Variants in UBE2H observed in about 807,000 individuals in gnomAD.
The protein encoded by UBE2H is ubiquitin-conjugating enzyme E2 H.
Under a neutral mutation model 29.0 loss-of-function variants are expected in UBE2H, and 3 were observed. The observed-to-expected ratio is 0.10, with a 90% CI of 0.05 to 0.27. The LOEUF (loss-of-function observed/expected upper bound fraction) is 0.27. Ranked by LOEUF, UBE2H falls within the 10% of genes least tolerant of loss-of-function variation. The pLI is 1.00. For missense variants in UBE2H, 68 were observed against 228.2 expected, an observed-to-expected ratio of 0.30 and a Z score of 4.52; for synonymous variants, 69 against 82.9, an observed-to-expected ratio of 0.83 and a Z score of 0.91.
chr7:129,941,710 T>C (rs561013485), intron 1 of UBE2H, among the ~76,000 whole-genome samples: 4 of 148,840 alleles, frequency 2.7e-5, no homozygotes, highest in Non-Finnish European at 5.9e-5. Flanking sequence ...GTGGTGAGAT[T>C]ACAAGCATGA....
intron 1 of UBE2H, among the ~76,000 whole-genome samples, chr7:129,945,459 C>A (rs956067431): frequency 1.3e-5 from 2 of 152,174 alleles, no homozygotes; most frequent in African/African-American, 4.8e-5. Context: ...AATTAGAATT[C>A]ATCTTTAATC....
chr7:129,945,919 A>G (rs1255661428), intron 1 of UBE2H, among the ~76,000 whole-genome samples: 1 of 146,010 alleles, frequency 6.8e-6, no homozygotes, highest in Non-Finnish European at 1.5e-5. Context: ...CTAATTTTGT[A>G]TTTTTTAGTA....
intron 1 of UBE2H, among the ~76,000 whole-genome samples, chr7:129,893,492 T>C (rs190379619): frequency 5.3e-5 from 8 of 152,234 alleles, no homozygotes; most frequent in Admixed American, 3.9e-4. Flanking sequence ...CAAAGTCAGA[T>C]AGTCAAAGTC....
At chr7:129,903,281 AACAG>A (rs1563040791) in intron 1 of UBE2H, among the ~76,000 whole-genome samples, 5 of 152,236 alleles carry the variant, frequency 3.3e-5, no homozygotes, top group Non-Finnish European at 5.9e-5. Context: ...TATTTATTTC[AACAG>A]TTGTGCTAAA....
chr7:129,864,413 CCAGGAA>C (rs1435671414), intron 3 of UBE2H, among the ~76,000 whole-genome samples: 1 of 152,092 alleles, frequency 6.6e-6, no homozygotes, highest in Non-Finnish European at 1.5e-5. Context: ...TTCCATTAGA[CCAGGAA>C]CTATTTTCAA....
At chr7:129,887,998 G>C (rs1301056573) in intron 1 of UBE2H, among the ~76,000 whole-genome samples, 1 of 152,228 alleles carries the variant, frequency 6.6e-6, no homozygotes, top group Non-Finnish European at 1.5e-5. Flanking sequence ...TCATAAGGAT[G>C]TCTATGAAAA....
At chr7:129,939,970 G>GA (rs1807608782) in intron 1 of UBE2H, among the ~76,000 whole-genome samples, 1 of 150,382 alleles carries the variant, frequency 6.6e-6, no homozygotes, top group African/African-American at 2.4e-5. Flanking sequence ...AAAAAAAAAA[G>GA]AAAGAAAGAA....
rs75354922 is a variant in UBE2H, at chr7:129,945,553, T to C, written c.53+6950A>G. Among the ~76,000 whole-genome samples, 54 of 152,254 alleles carry C rather than the reference T, an allele frequency of 3.5e-4. No homozygotes were observed. The East Asian group carries it at 5.8e-3, about 16-fold the overall frequency. On this transcript the variant is annotated intron_variant, in intron 1 of 6. Coordinates refer to ENST00000355621, the MANE Select transcript of UBE2H (RefSeq NM_003344.4). Reference sequence around the variant, plus strand: ...CAAGAGCCCGCTGAGTGTAGGGCTCTGAGATTTTTAATTAAATATTTTAAT... The same window carrying C: ...CAAGAGCCCGCTGAGTGTAGGGCTCCGAGATTTTTAATTAAATATTTTAAT...
chr7:129,839,682 G>A (rs118110807), intron 5 of UBE2H: 3,109 of 259,064 alleles, frequency 0.012, 34 homozygotes, highest in Non-Finnish European at 0.017. Context: ...GGTCTTAAAA[G>A]AATTGAAGAC....
chr7:129,890,387 AT>A (rs993321614), intron 1 of UBE2H, among the ~76,000 whole-genome samples: 5 of 151,196 alleles, frequency 3.3e-5, no homozygotes, highest in African/African-American at 4.9e-5. Flanking sequence ...TTATATATAT[AT>A]TTTTTTTAAA....
intron 1 of UBE2H, among the ~76,000 whole-genome samples, chr7:129,947,678 A>G (rs1172114788): frequency 6.6e-6 from 1 of 152,166 alleles, no homozygotes; most frequent in Non-Finnish European, 1.5e-5. Context: ...AGTCCACTCT[A>G]AGTAAATACA....
At chr7:129,907,620 C>T (rs150194368) in intron 1 of UBE2H, among the ~76,000 whole-genome samples, 2 of 152,166 alleles carry the variant, frequency 1.3e-5, no homozygotes, top group East Asian at 1.9e-4. Context: ...GGTTTTATGC[C>T]GAGGTAGATG....
At position 129,935,327 on chromosome 7, in the gene UBE2H, C is replaced by T. The variant is rs139164985; in HGVS notation, c.53+17176G>A. On this transcript the variant is annotated intron_variant, in intron 1 of 6. Transcript: ENST00000355621. ...ACTCAGGAGGCTGAGGCAGGAGAATCGCTTGAACCCGAGAGGCGAGGGTCA... is the reference window on the plus strand; with the variant it reads ...ACTCAGGAGGCTGAGGCAGGAGAATTGCTTGAACCCGAGAGGCGAGGGTCA... Among the ~76,000 whole-genome samples, 503 of 150,566 alleles carry T rather than the reference C, an allele frequency of 3.3e-3. 1 individual carries two copies. The highest frequency in any genetic ancestry group is 0.011 in the African/African-American group (468 of 41,002).
At chr7:129,897,140 T>C (rs1033426684) in intron 1 of UBE2H, among the ~76,000 whole-genome samples, 1 of 151,974 alleles carries the variant, frequency 6.6e-6, no homozygotes, top group African/African-American at 2.4e-5. Context: ...TGCCTCATCT[T>C]CCTTTCCTTC....
chr7:129,942,557 T>C (rs1299411376), intron 1 of UBE2H, among the ~76,000 whole-genome samples: 2 of 152,212 alleles, frequency 1.3e-5, no homozygotes, highest in Non-Finnish European at 2.9e-5. Flanking sequence ...CTGTTTCCCA[T>C]TCTGTCACTG....
chr7:129,907,306 A>C (rs1806838665), intron 1 of UBE2H, among the ~76,000 whole-genome samples: 1 of 152,212 alleles, frequency 6.6e-6, no homozygotes, highest in Admixed American at 6.5e-5. Flanking sequence ...GTCGGGATGC[A>C]GAAGTAATCA....
At position 129,943,075 on chromosome 7, in the gene UBE2H, T is replaced by G. The variant is rs971605086; in HGVS notation, c.53+9428A>C. On this transcript the variant is annotated intron_variant, in intron 1 of 6. Coordinates refer to ENST00000355621, the MANE Select transcript of UBE2H (RefSeq NM_003344.4). ...CCAGGTTGGTCTTGAACTCTTGACC[T>G]CAGGTGATCTGCCCACCTCAGCCTC... is the stretch of plus-strand genomic sequence containing the variant. 2.1e-4 allele frequency among the ~76,000 whole-genome samples: 32 copies of G among 152,194 alleles called. 1 individual carries two copies. The highest frequency in any genetic ancestry group is 2.9e-5 in the Non-Finnish European group (2 of 68,028).
At chr7:129,839,596 T>C (rs1357697361) in intron 5 of UBE2H, 2 of 362,948 alleles carry the variant, frequency 5.5e-6, no homozygotes, top group Admixed American at 5.0e-5. Context: ...TATTTCACTC[T>C]ATTTATATGG....
chr7:129,944,715 AACACACACAC>A (rs57825154), intron 1 of UBE2H, among the ~76,000 whole-genome samples: 10,131 of 144,038 alleles, frequency 0.07, 355 homozygotes, highest in Non-Finnish European at 0.089. Flanking sequence ...ATGCGCTCAA[AACACACACAC>A]ACACACACAC....
Sources: allele counts gnomAD v4.1 joint callset (sites outside exome capture counted in the v4.1 genomes callset), GRCh38; gene constraint gnomAD v4.1.1; transcripts MANE v1.5; gene names NCBI Gene and HGNC (gene_info 2026-07-23, HGNC 2026-07-21).